Variants in NR2C2 observed in about 807,000 individuals in gnomAD.
The protein encoded by NR2C2 is Nuclear hormone receptor TR4.
NR2C2 carries 6 observed loss-of-function variants against 62.9 expected under a neutral mutation model. The observed-to-expected ratio is 0.10, with a 90% CI of 0.05 to 0.19. The LOEUF is 0.19. Ranked by LOEUF, NR2C2 falls within the 10% of genes least tolerant of loss-of-function variation. The probability of loss-of-function intolerance (pLI) is 1.00; values close to 1 mark genes in which losing one functional copy is unlikely to be tolerated. For missense variants in NR2C2, 479 were observed against 762.7 expected (o/e 0.63, Z 4.38); for synonymous variants, 272 against 273.8 (o/e 0.99, Z 0.07).
chr3:14,958,570 A>G (rs1451564817), intron 1 of NR2C2, among the ~76,000 whole-genome samples: 2 of 152,178 alleles, frequency 1.3e-5, no homozygotes, highest in Non-Finnish European at 2.9e-5. Flanking sequence ...ACTTAGTGTT[A>G]GTTGCTGCTA....
chr3:15,038,950 G>C, intron 12 of NR2C2, 172 bp from the exon 13 acceptor site: 1 of 607,780 alleles, frequency 1.6e-6, no homozygotes. Context: ...GGCCTGGGCA[G>C]AAAACAGAGG....
intron 7 of NR2C2, among the ~76,000 whole-genome samples, chr3:15,025,178 C>T (rs997518142): frequency 2.6e-5 from 4 of 152,206 alleles, no homozygotes; most frequent in Non-Finnish European, 4.4e-5. Flanking sequence ...GCAGAGAAAG[C>T]GTAAGCCTGA....
rs1378882179 is a variant in NR2C2 at position 15,048,527 on chromosome 3, C to T, written c.*5519C>T. The T allele has an allele frequency of 2.0e-5, 3 of 152,444 alleles. No individual in the cohort carries two copies. The highest frequency in any genetic ancestry group is 4.4e-5 in the Non-Finnish European group (3 of 67,996). The allele number at this position is 152,444 out of a possible 1,614,324, so 9.4% of individuals were successfully genotyped here. On this transcript the variant is annotated 3_prime_UTR_variant, in exon 14 of 14. Transcript: ENST00000425241. ...ACATGCAAAATAGAAAAAAAATGTT[C>T]AACATTTATTGATTGATAGACTGTT...
At chr3:15,040,680 C>T (rs936270869) in intron 13 of NR2C2, among the ~76,000 whole-genome samples, 5 of 152,234 alleles carry the variant, frequency 3.3e-5, no homozygotes, top group African/African-American at 7.2e-5. Flanking sequence ...CTCCTTTTGG[C>T]GCACTTCTGT....
chr3:15,024,386 G>A (rs900305813), intron 7 of NR2C2, among the ~76,000 whole-genome samples, 178 bp downstream of exon 7: 1 of 152,196 alleles, frequency 6.6e-6, no homozygotes, highest in Non-Finnish European at 1.5e-5. Context: ...AGATGCTGAT[G>A]GCTTCTCAGA....
intron 2 of NR2C2, 45 bp downstream of exon 2, chr3:15,004,031 T>A (rs2041096998): frequency 6.5e-7 from 1 of 1,535,548 alleles, no homozygotes; most frequent in African/African-American, 1.4e-5. Context: ...CCAGAAGAAC[T>A]CTTTCCAAAA....
At chr3:15,034,372 C>CT (rs1253779144) in intron 10 of NR2C2, 2 of 270,180 alleles carry the variant, frequency 7.4e-6, no homozygotes, top group African/African-American at 4.5e-5. Flanking sequence ...GTCCAGGATG[C>CT]TGAGGCTTTT....
At chr3:14,959,684 A>G (rs2039636792) in intron 1 of NR2C2, 2 of 152,214 alleles carry the variant, frequency 1.3e-5, no homozygotes, top group Non-Finnish European at 2.9e-5. Context: ...GCTCAATTCA[A>G]GTGTATAAAG....
chr3:15,006,446 T>C (rs1484960003), intron 2 of NR2C2, among the ~76,000 whole-genome samples: 3 of 152,184 alleles, frequency 2.0e-5, no homozygotes, highest in Admixed American at 6.5e-5. Flanking sequence ...GTAAATTCTA[T>C]GTATACTATA....
chr3:14,992,724 G>A (rs981580663), intron 1 of NR2C2, among the ~76,000 whole-genome samples: 1 of 152,166 alleles, frequency 6.6e-6, no homozygotes, highest in Non-Finnish European at 1.5e-5. Context: ...TTCTGCAAGC[G>A]TGGTTACCTT....
chr3:15,009,692 A>G (rs770997347), intron 2 of NR2C2, among the ~76,000 whole-genome samples: 17 of 152,210 alleles, frequency 1.1e-4, no homozygotes, highest in Admixed American at 3.9e-4. Flanking sequence ...TGCCTCTTGT[A>G]TTAGTTTCCC....
intron 1 of NR2C2, among the ~76,000 whole-genome samples, chr3:14,965,949 G>A (rs1361840673): frequency 5.3e-5 from 8 of 152,200 alleles, no homozygotes; most frequent in Non-Finnish European, 8.8e-5. Flanking sequence ...GATTACAGGC[G>A]TGAGCCACCA....
intron 4 of NR2C2, 127 bp from the exon 5 acceptor site, chr3:15,020,626 G>T (rs1191254121): frequency 5.1e-6 from 5 of 984,488 alleles, no homozygotes; most frequent in Non-Finnish European, 6.1e-6. Flanking sequence ...CCACGTGGCT[G>T]TTGGCATCTA....
chr3:14,965,946 G>C (rs2039841436), intron 1 of NR2C2, among the ~76,000 whole-genome samples: 1 of 152,218 alleles, frequency 6.6e-6, no homozygotes, highest in Non-Finnish European at 1.5e-5. Flanking sequence ...TGGGATTACA[G>C]GCGTGAGCCA....
intron 1 of NR2C2, among the ~76,000 whole-genome samples, chr3:15,003,112 ATTT>A (rs35768154): frequency 3.7e-5 from 5 of 134,808 alleles, no homozygotes; most frequent in Non-Finnish European, 4.7e-5. Context: ...TGCCTGGCTA[ATTT>A]TTTTTTTTTT....
chr3:15,039,095 T>TCG (rs758240332), intron 12 of NR2C2, 27 bp from the exon 13 acceptor site: 11 of 1,443,274 alleles, frequency 7.6e-6, no homozygotes, highest in Non-Finnish European at 1.1e-5. Context: ...CAGAGGGAAC[T>TCG]GGGGGGGGGT....
At chr3:14,974,104 C>A (rs887516655) in intron 1 of NR2C2, among the ~76,000 whole-genome samples, 3 of 152,134 alleles carry the variant, frequency 2.0e-5, no homozygotes, top group African/African-American at 7.2e-5. Flanking sequence ...CCCAATGCCC[C>A]CTTCCCCCAC....
At chr3:14,993,179 C>G (rs2124851506) in intron 1 of NR2C2, among the ~76,000 whole-genome samples, 1 of 152,264 alleles carries the variant, frequency 6.6e-6, no homozygotes, top group South Asian at 2.1e-4. Context: ...AAAGGCCAAG[C>G]ATGGTGGCTC....
chr3:15,012,628 C>T (rs571287452), intron 2 of NR2C2, among the ~76,000 whole-genome samples: 1 of 152,180 alleles, frequency 6.6e-6, no homozygotes, highest in Non-Finnish European at 1.5e-5. Context: ...TGTTTCCCCT[C>T]ACCCAACACA....
Sources: gnomAD v4.1 joint callset for allele counts (sites outside exome capture counted in the v4.1 genomes callset) on GRCh38, gnomAD v4.1.1 for gene constraint, MANE v1.5 for transcripts, NCBI Gene and HGNC (gene_info 2026-07-23, HGNC 2026-07-21) for gene names.